The following HECTD4 variants were observed in gnomAD, a reference collection of about 807,000 sequenced individuals.
HECTD4 encodes the protein probable E3 ubiquitin-protein ligase HECTD4.
HECTD4 carries 114 observed loss-of-function variants against 471.5 expected under a neutral mutation model. That is an observed-to-expected ratio of 0.24 (90% CI 0.21 to 0.28). The LOEUF (loss-of-function observed/expected upper bound fraction) is 0.28, where lower values mean the gene tolerates loss of function less well. Among genes scored for constraint, HECTD4 ranks in the 10% least tolerant of loss-of-function variants. The pLI, the probability that HECTD4 is intolerant of heterozygous loss-of-function variation, is 1.00. For synonymous variants in HECTD4, 2,012 were observed against 2,256.0 expected (o/e 0.89, Z 3.07); for missense variants, 3,866 against 5,651.5 (o/e 0.68, Z 10.13).
Position 112,367,833 on chromosome 12 carries a change from A to C in HECTD4, c.177+14119T>G, listed in dbSNP as rs919061353. ...GAGACTCCATCTCAAAAAAAAAAAA[A>C]AAAAAAAAAAAAAAACGCTAACACG... On this transcript the variant is annotated intron_variant, in intron 1 of 75. Transcript: ENST00000682272. Among the ~76,000 whole-genome samples the C allele has an allele frequency of 2.4e-3, 353 of 149,434 alleles. 6 individuals are homozygous for C. The highest frequency in any genetic ancestry group is 7.7e-3 in the African/African-American group (315 of 40,948).
At chr12:112,358,555 T>C (rs2036388245) in intron 1 of HECTD4, among the ~76,000 whole-genome samples, 1 of 152,186 alleles carries the variant, frequency 6.6e-6, no homozygotes, top group Non-Finnish European at 1.5e-5. Flanking sequence ...GCATATATAG[T>C]ATGATCTCAA....
intron 7 of HECTD4, among the ~76,000 whole-genome samples, chr12:112,295,822 T>TAC (rs561917936): frequency 0.025 from 3,208 of 129,834 alleles, 47 homozygotes; most frequent in East Asian, 0.099. Context: ...TATATATATA[T>TAC]ATACACACAC....
rs2137015685 is a variant in HECTD4 at position 112,176,645 on chromosome 12, G to A, written c.11421C>T (p.Ser3807=). The change falls in exon 65 of 76, where the codon AGC becomes AGT. Residue 3807 remains serine (S), a synonymous_variant. Coordinates refer to ENST00000682272, the MANE Select transcript of HECTD4 (RefSeq NM_001388303.1). ...TTTCTGGGTCCTTTTCATCTGGTTT[G>A]CTCTTTTCTGGTGATTTTGGCTTCA... ...PTVKPKSPEK[S]KPDEKDPEKS... is the part of the protein sequence containing the mutation. 1 of 1,613,994 alleles carries A rather than the reference G, an allele frequency of 6.2e-7. No homozygotes were observed. The highest frequency in any genetic ancestry group is 8.5e-7 in the Non-Finnish European group (1 of 1,179,880).
intron 19 of HECTD4, 23 bp from the exon 20 acceptor site, chr12:112,258,619 T>C (rs749051478): frequency 5.7e-6 from 9 of 1,573,496 alleles, no homozygotes; most frequent in East Asian, 4.6e-5. Context: ...ACCATCATTA[T>C]GTCTTCCAGG....
chr12:112,345,159 A>G (rs1288756898), intron 1 of HECTD4, among the ~76,000 whole-genome samples: 5 of 152,102 alleles, frequency 3.3e-5, no homozygotes, highest in Non-Finnish European at 4.4e-5. Context: ...AGGCTGAGGC[A>G]AGAGGATTAC....
intron 27 of HECTD4, 108 bp from the exon 28 acceptor site, chr12:112,247,658 A>C (rs1342184310): frequency 2.2e-6 from 1 of 463,616 alleles, no homozygotes; most frequent in Non-Finnish European, 3.8e-6. Flanking sequence ...TTTGGTCCAC[A>C]TTTCTATGCT....
At chr12:112,231,779 G>A (rs566297485) in intron 38 of HECTD4, 64 bp from the exon 39 acceptor site, 1 of 1,381,306 alleles carries the variant, frequency 7.2e-7, no homozygotes, top group African/African-American at 1.4e-5. Flanking sequence ...TATTTTTCAA[G>A]TCTATTTCCC....
intron 1 of HECTD4, among the ~76,000 whole-genome samples, chr12:112,362,241 C>T (rs879540295): frequency 3.3e-5 from 5 of 152,166 alleles, no homozygotes; most frequent in Admixed American, 2.0e-4. Context: ...CAAAGCTGTC[C>T]CCATTGATCT....
chr12:112,376,913 G>C (rs1321293210), intron 1 of HECTD4, among the ~76,000 whole-genome samples: 1 of 152,112 alleles, frequency 6.6e-6, no homozygotes, highest in African/African-American at 2.4e-5. Flanking sequence ...CGGAGTTCAA[G>C]ACCAGCCTGA....
chr12:112,272,591 A>T (rs1389213180), intron 11 of HECTD4, among the ~76,000 whole-genome samples: 4 of 152,210 alleles, frequency 2.6e-5, no homozygotes, highest in African/African-American at 9.7e-5. Flanking sequence ...ATGTGTATGC[A>T]GACTCATGTT....
rs760951531 is a variant in HECTD4 at position 112,162,379 on chromosome 12, C to T, written c.*8G>A. 6 of 1,613,788 alleles carry T rather than the reference C, an allele frequency of 3.7e-6. No individual in the cohort carries two copies. Among genetic ancestry groups the T allele is most frequent in the Non-Finnish European group, 5.1e-6 (6 of 1,179,860 alleles). On this transcript the variant is annotated 3_prime_UTR_variant, in exon 76 of 76. Transcript: ENST00000682272. The surrounding 1 kb of genome is among the most constrained non-coding windows in gnomAD (Gnocchi z 5.2). The stretch of plus-strand genomic sequence containing the variant: ...TCAGTGACAGCCTAATTCTGGGGCT[C>T]CCTCCCATCAGCCACTGAGGGGGTC...
rs763984685 is a variant in HECTD4, at chr12:112,171,159, T to C, written c.11890A>G (p.Met3964Val). The change falls in exon 68 of 76, where the codon ATG becomes GTG. Residue 3964 changes from methionine to valine, a missense_variant. Coordinates refer to ENST00000682272, the MANE Select transcript of HECTD4 (RefSeq NM_001388303.1). ...AGGGCGGCGATGCTGTGGGTATACA[T>C]GGGTGTCTGGCGCAGCTCCACCAGG... ...LPLVELRQTP[M>V]YTHSIAALLK... The C allele has an allele frequency of 3.1e-6, 5 of 1,613,572 alleles. No homozygotes were observed. The highest frequency in any genetic ancestry group is 2.2e-5 in the East Asian group (1 of 44,870).
rs747151660 is a variant in HECTD4, at chr12:112,235,047, A to ATGGGTGGTGCTTGAGGAT, written c.5915+29_5915+30insATCCTCAAGCACCACCCA. 1.3e-6 allele frequency: 2 copies of ATGGGTGGTGCTTGAGGAT among 1,544,110 alleles called. No homozygotes were observed. The highest frequency in any genetic ancestry group is 2.4e-5 in the South Asian group (2 of 83,472). On this transcript the variant is annotated intron_variant, in intron 37 of 75. Coordinates refer to ENST00000682272, the MANE Select transcript of HECTD4 (RefSeq NM_001388303.1). This position sits in a 1 kb window ranked among gnomAD's most constrained non-coding sequence, Gnocchi z 5.0. ...CCTGTGACATGGGTGGTGCTTGAGGATGTGTAGCTATCACAATCATTATGG... is the reference window on the plus strand; with the variant it reads ...CCTGTGACATGGGTGGTGCTTGAGGATGGGTGGTGCTTGAGGATTGTGTAGCTATCACAATCATTATGG...
At position 112,313,103 on chromosome 12, in the gene HECTD4, A is replaced by G. The variant is rs1025803863; in HGVS notation, c.830T>C (p.Leu277Pro). 1.3e-6 allele frequency: 2 copies of G among 1,535,502 alleles called. No individual in the cohort carries two copies. Among genetic ancestry groups the G allele is most frequent in the East Asian group, 4.9e-5 (2 of 40,914 alleles). ...CCATGATACTATGTGTTTGCCCCCA[A>G]GCAAACAGGAGGGAGATCCAGGCCC... is the stretch of plus-strand genomic sequence containing the variant. ...EGGPGSPSCL[L>P]GGKHIVSWGY... The change falls in exon 4 of 76, where the codon CTT becomes CCT. Residue 277 changes from leucine to proline, a missense_variant. Around this residue, in one of 16 missense-constraint regions of HECTD4, gnomAD observed 440 missense variants for 636.0 expected, o/e 0.69. Coordinates refer to ENST00000682272, the MANE Select transcript of HECTD4 (RefSeq NM_001388303.1).
At chr12:112,176,323 G>A (rs2031445497) in intron 65 of HECTD4, among the ~76,000 whole-genome samples, 1 of 152,132 alleles carries the variant, frequency 6.6e-6, no homozygotes, top group Non-Finnish European at 1.5e-5. Context: ...TCTTTATCCT[G>A]GGCATGCGGT....
chr12:112,318,995 G>T lies in HECTD4; in HGVS notation c.695+230C>A, dbSNP rs895037088. 2.0e-5 allele frequency among the ~76,000 whole-genome samples: 3 copies of T among 152,210 alleles called. No homozygotes were observed. The East Asian group carries it at 5.8e-4, about 29-fold the overall frequency. On this transcript the variant is annotated intron_variant, in intron 2 of 75. Coordinates refer to ENST00000682272, the MANE Select transcript of HECTD4 (RefSeq NM_001388303.1). ...TTTCTGCTGGTTAAGATGTTATCAT[G>T]GTATACCAGAAACAGAAAACATGAA...
At chr12:112,187,960 A>G (rs2031939642) in intron 60 of HECTD4, among the ~76,000 whole-genome samples, 1 of 151,956 alleles carries the variant, frequency 6.6e-6, no homozygotes. Flanking sequence ...AGTTTTAAAA[A>G]AGGAGGAGTT....
chr12:112,170,995 T>C, intron 68 of HECTD4, 122 bp downstream of exon 68: 1 of 745,482 alleles, frequency 1.3e-6, no homozygotes, highest in East Asian at 2.8e-5. Context: ...ACATGAAAGG[T>C]TGAGGTGGGG....
chr12:112,341,399 G>A (rs1052811211), intron 1 of HECTD4, among the ~76,000 whole-genome samples: 39 of 152,238 alleles, frequency 2.6e-4, no homozygotes, highest in African/African-American at 9.4e-4. Context: ...GTAACTGTTT[G>A]GCTGAATGTG....
Sources: allele counts gnomAD v4.1 joint callset (sites outside exome capture counted in the v4.1 genomes callset), GRCh38; gene constraint gnomAD v4.1.1; regional missense constraint gnomAD v4.1.1; non-coding constraint Gnocchi (gnomAD v3.1); transcripts MANE v1.5; gene names NCBI Gene and HGNC (gene_info 2026-07-23, HGNC 2026-07-21).